The following CEP350 variants were observed in gnomAD, a reference collection of about 807,000 sequenced individuals.
The protein encoded by CEP350 is centrosomal protein 350, also known as centrosome-associated protein 350.
Under a neutral mutation model 331.8 loss-of-function variants are expected in CEP350, and 126 were observed. The observed-to-expected ratio is 0.38, with a 90% confidence interval of 0.33 to 0.44. The LOEUF is 0.44. CEP350 is among the 20% of genes least tolerant of loss of function. CEP350 has a pLI of 1.00. For synonymous variants in CEP350, 1,200 were observed against 1,259.5 expected (o/e 0.95, Z 1.00); for missense variants, 3,406 against 3,634.6 (o/e 0.94, Z 1.62).
chr1:179,990,757 G>T, intron 4 of CEP350, 136 bp downstream of exon 4: 1 of 471,674 alleles, frequency 2.1e-6, no homozygotes, highest in Non-Finnish European at 3.7e-6. Context: ...AAGTCTCTCT[G>T]TGCTGCCCCA....
At chr1:179,998,555 C>A (rs1653642185) in intron 6 of CEP350, among the ~76,000 whole-genome samples, 1 of 152,020 alleles carries the variant, frequency 6.6e-6, no homozygotes, top group South Asian at 2.1e-4. Context: ...ATCTGCTTGC[C>A]TCAGCCTCCC....
chr1:180,044,943 C>G (rs1189310639), intron 21 of CEP350, among the ~76,000 whole-genome samples: 1 of 150,518 alleles, frequency 6.6e-6, no homozygotes, highest in Admixed American at 6.6e-5. Context: ...AATGATACAT[C>G]AAGGAATTGC....
At chr1:180,037,270 G>A (rs1231591330) in intron 17 of CEP350, among the ~76,000 whole-genome samples, 181 bp downstream of exon 17, 5 of 152,120 alleles carry the variant, frequency 3.3e-5, no homozygotes, top group Non-Finnish European at 7.4e-5. Flanking sequence ...GTGTTTGGCA[G>A]CAGAACAATA....
intron 21 of CEP350, among the ~76,000 whole-genome samples, chr1:180,047,154 C>T (rs1344424312): frequency 2.0e-5 from 3 of 151,954 alleles, no homozygotes; most frequent in Admixed American, 6.6e-5. Flanking sequence ...TTCCATAGGT[C>T]GTTAGGCAGA....
intron 37 of CEP350, among the ~76,000 whole-genome samples, chr1:180,103,868 C>T (rs1046785304): frequency 7.3e-5 from 11 of 150,738 alleles, no homozygotes; most frequent in African/African-American, 2.7e-4. Context: ...TTAGGATTTT[C>T]CCTCCTTTCT....
rs145122584 is a variant in CEP350, at chr1:180,052,994, A to G, written c.4817A>G (p.Tyr1606Cys). 5 of 1,399,104 alleles carry G rather than the reference A, an allele frequency of 3.6e-6. No individual in the cohort carries two copies. The highest frequency in any genetic ancestry group is 2.9e-5 in the African/African-American group (2 of 69,798). 86.7% of individuals were successfully genotyped at this position (1,399,104 alleles called of 1,614,324 possible). A position where few individuals can be genotyped will look rare whatever the true frequency, so the allele number is the denominator to read the frequency against. Residue 1606 changes from tyrosine to cysteine, a missense_variant, in exon 23 of 38, where the codon TAT becomes TGT. Physicochemically the swap from Tyr to Cys is radical, Grantham distance 194. This residue lies in a region of CEP350 where 1,857 missense variants were observed against 1,909.2 expected (regional missense o/e 0.97). Transcript: ENST00000367607. ...EKDSTSIATEYSLKFDESMTE... is the reference protein window; with the variant it reads ...EKDSTSIATECSLKFDESMTE... ...GACTCAACGTCTATTGCAACAGAAT[A>G]TTCTCTGAAATTTGATGAATCCATG...
intron 32 of CEP350, among the ~76,000 whole-genome samples, chr1:180,089,642 A>G (rs1660056761): frequency 6.6e-6 from 1 of 152,134 alleles, no homozygotes; most frequent in Admixed American, 6.5e-5. Flanking sequence ...TAGCAAGTCT[A>G]AGATGACTCC....
intron 8 of CEP350, among the ~76,000 whole-genome samples, chr1:180,006,781 C>T (rs187277281): frequency 1.5e-3 from 235 of 152,178 alleles, no homozygotes; most frequent in Non-Finnish European, 2.4e-3. Context: ...CAACAAGCCC[C>T]GATGTGTGAT....
intron 8 of CEP350, 73 bp downstream of exon 8, chr1:180,006,640 G>A (rs1431969252): frequency 2.4e-5 from 19 of 797,054 alleles, no homozygotes; most frequent in Non-Finnish European, 3.4e-5. Flanking sequence ...TAAGTTTTGG[G>A]ATACATGTGC....
At chr1:180,048,481 T>G in intron 21 of CEP350, 55 bp from the exon 22 acceptor site, 1 of 1,167,056 alleles carries the variant, frequency 8.6e-7, no homozygotes, top group Non-Finnish European at 1.3e-6. Context: ...ACTTTGAAGC[T>G]ATAATCCTTA....
chr1:180,046,528 A>G (rs1011655746), intron 21 of CEP350, among the ~76,000 whole-genome samples: 13 of 152,346 alleles, frequency 8.5e-5, no homozygotes, highest in South Asian at 4.1e-4. Context: ...TATTATAAGT[A>G]ATGCTGTGAA....
In CEP350 at chr1:180,096,041, G is replaced by T; in HGVS notation, c.8923G>T (p.Val2975Phe). The T allele has an allele frequency of 3.2e-6, 5 of 1,552,128 alleles. No homozygotes were observed. The highest frequency in any genetic ancestry group is 4.4e-6 in the Non-Finnish European group (5 of 1,147,518). ...STSKRVYKQA[V>F]FDLTKEIFEE... ...TGTTTTGTTTTTCTCTATCAAGGCG[G>T]TTTTTGATTTAACAAAAGAGATTTT... Residue 2975 changes from valine (V) to phenylalanine (F), a missense_variant, in exon 36 of 38, where the codon GTT becomes TTT. By Grantham distance (50) the Val-to-Phe change is conservative. This residue lies in a region of CEP350 where 1,415 missense variants were observed against 1,512.3 expected (regional missense o/e 0.94). Transcript: ENST00000367607.
intron 27 of CEP350, among the ~76,000 whole-genome samples, chr1:180,073,498 ACTT>A (rs1201224468): frequency 6.6e-6 from 1 of 152,210 alleles, no homozygotes; most frequent in Non-Finnish European, 1.5e-5. Flanking sequence ...CCCACAATGT[ACTT>A]CTTATTACTT....
At chr1:180,000,549 G>A (rs12139040) in intron 6 of CEP350, 13,073 of 156,082 alleles carry the variant, frequency 0.084, 728 homozygotes, top group Middle Eastern at 0.12. Context: ...GTCTGTGTTT[G>A]GTCTCATTTT....
intron 28 of CEP350, 94 bp downstream of exon 28, chr1:180,075,315 A>G (rs1224903790): frequency 7.9e-6 from 10 of 1,269,110 alleles, no homozygotes; most frequent in African/African-American, 1.5e-5. Flanking sequence ...GGCTGGGCGC[A>G]GTGGCTCACG....
intron 11 of CEP350, among the ~76,000 whole-genome samples, chr1:180,018,918 C>T (rs1343179746): frequency 2.7e-5 from 4 of 149,478 alleles, no homozygotes; most frequent in Non-Finnish European, 3.0e-5. Context: ...TGCAGTGGCA[C>T]GATCTCGGCC....
At chr1:180,076,464 A>T (rs968074280) in intron 28 of CEP350, among the ~76,000 whole-genome samples, 3 of 152,216 alleles carry the variant, frequency 2.0e-5, no homozygotes, top group African/African-American at 7.2e-5. Context: ...AGAAAAATTG[A>T]TCATCTCAAT....
At chr1:180,015,210 G>GTTTGTTTGTTTATTTA (rs1553255193) in intron 10 of CEP350, among the ~76,000 whole-genome samples, 1 of 143,480 alleles carries the variant, frequency 7.0e-6, no homozygotes, top group African/African-American at 2.6e-5. Flanking sequence ...CTAGGAAATT[G>GTTTGTTTGTTTATTTA]TTTATTTATT....
intron 27 of CEP350, chr1:180,073,809 T>A (rs780705812): frequency 1.5e-5 from 19 of 1,304,348 alleles, no homozygotes; most frequent in Non-Finnish European, 1.6e-5. Flanking sequence ...GTTCACTACT[T>A]CTTCTCTGTC....
Sources: gnomAD v4.1 joint callset for allele counts (sites outside exome capture counted in the v4.1 genomes callset) on GRCh38, gnomAD v4.1.1 for gene constraint, gnomAD v4.1.1 regional missense constraint, MANE v1.5 for transcripts, NCBI Gene and HGNC (gene_info 2026-07-23, HGNC 2026-07-21) for gene names.